ELF2: variants seen among roughly 807,000 people sequenced by gnomAD.
ELF2 encodes the protein E74 like ETS transcription factor 2.
In ELF2, 11 loss-of-function variants were observed where a neutral mutation model predicts 54.8. The ratio of observed to expected loss-of-function variants is 0.20; its 90% CI spans 0.13 to 0.33. The LOEUF (loss-of-function observed/expected upper bound fraction) is 0.33. Ranked by LOEUF, ELF2 falls within the 10% of genes least tolerant of loss-of-function variation. The pLI is 1.00. For synonymous variants in ELF2, 203 were observed against 245.1 expected (o/e 0.83, Z 1.61); for missense variants, 513 against 703.0 (o/e 0.73, Z 3.06).
At chr4:139,108,674 AC>A (rs1277742251) in intron 4 of ELF2, among the ~76,000 whole-genome samples, 2 of 152,176 alleles carry the variant, frequency 1.3e-5, no homozygotes, top group African/African-American at 4.8e-5. Context: ...AAAATAGCAG[AC>A]TAGGGTTGTG....
chr4:139,115,404 G>A (rs1270577126), intron 4 of ELF2: 16 of 1,000,738 alleles, frequency 1.6e-5, no homozygotes, highest in African/African-American at 1.8e-5. Flanking sequence ...TGCGCGCATC[G>A]GGCCCCTCCC....
At chr4:139,153,678 T>G (rs1456037147) in intron 1 of ELF2, among the ~76,000 whole-genome samples, 1 of 152,160 alleles carries the variant, frequency 6.6e-6, no homozygotes, top group Non-Finnish European at 1.5e-5. Context: ...TAAAACAGAA[T>G]TCTGTTTAAT....
At position 139,134,618 on chromosome 4, in the gene ELF2, A is replaced by ATTTAT. The variant is rs369321048; in HGVS notation, c.72+3007_72+3011dup. On this transcript the variant is annotated intron_variant, in intron 3 of 9. Transcript: ENST00000686138. ...ATTTTATTTTATTTTATTTTATTTT[A>ATTTAT]TTTATTTTATTTTATTTTATTTTAT... 2.5e-3 allele frequency among the ~76,000 whole-genome samples: 71 copies of ATTTAT among 28,526 alleles called. 1 individual carries two copies. The highest frequency in any genetic ancestry group is 5.2e-3 in the African/African-American group (40 of 7,620). 18.7% of individuals were successfully genotyped at this position (28,526 alleles called of 152,430 possible).
At chr4:139,071,781 T>C in intron 6 of ELF2, 85 bp downstream of exon 6, 1 of 1,244,142 alleles carries the variant, frequency 8.0e-7, no homozygotes, top group Non-Finnish European at 1.1e-6. Flanking sequence ...CTACAGCATA[T>C]ACTACTTTCT....
chr4:139,157,516 C>T (rs538441724), intron 1 of ELF2, among the ~76,000 whole-genome samples: 2 of 152,290 alleles, frequency 1.3e-5, no homozygotes, highest in African/African-American at 4.8e-5. Context: ...ATCCTCCTGC[C>T]TCAGGCTCCT....
At position 139,120,352 on chromosome 4, in the gene ELF2, C is replaced by A. The variant is rs558405780; in HGVS notation, c.238+4812G>T. On this transcript the variant is annotated intron_variant, in intron 4 of 9. Transcript: ENST00000686138. ...CTTGTTTTAATATTTCTCAAGCCAT[C>A]CTTCAACTCATACTACAATAGCTAG... is the stretch of plus-strand genomic sequence containing the variant. Among the ~76,000 whole-genome samples the A allele has an allele frequency of 1.3e-4, 20 of 152,306 alleles. No individual in the cohort carries two copies. The South Asian group carries it at 3.9e-3, about 30-fold the overall frequency.
At chr4:139,121,462 T>A (rs745379319) in intron 4 of ELF2, among the ~76,000 whole-genome samples, 1 of 151,976 alleles carries the variant, frequency 6.6e-6, no homozygotes, top group Non-Finnish European at 1.5e-5. Context: ...AGTTCATTGG[T>A]ATAAACGTGG....
chr4:139,142,848 CAG>C (rs953114226), intron 1 of ELF2, among the ~76,000 whole-genome samples: 5 of 147,366 alleles, frequency 3.4e-5, no homozygotes, highest in Admixed American at 2.7e-4. Context: ...GTTTGGGCGA[CAG>C]AGTGAGACCT....
rs1553971301 is a variant in ELF2, at chr4:139,151,032, A to AAAGAAAG, written c.-251-11536_-251-11535insCTTTCTT. Among the ~76,000 whole-genome samples the AAAGAAAG allele has an allele frequency of 3.2e-3, 328 of 102,464 alleles. 4 individuals are homozygous for AAAGAAAG. The highest frequency in any genetic ancestry group is 7.2e-3 in the African/African-American group (142 of 19,708). 67.2% of individuals were successfully genotyped at this position (102,464 alleles called of 152,430 possible). On this transcript the variant is annotated intron_variant, in intron 1 of 9. Coordinates refer to ENST00000686138, the MANE Select transcript of ELF2 (RefSeq NM_001331036.3). ...GAACGAGGCTCCATCTCAAAAAAAA[A>AAAGAAAG]AAAGAAAGAAAGAAAGAAAGAAAGA... is the stretch of plus-strand genomic sequence containing the variant.
intron 3 of ELF2, among the ~76,000 whole-genome samples, chr4:139,125,779 CAAAAAAAA>C (rs367767700): frequency 1.6e-4 from 15 of 96,554 alleles, no homozygotes; most frequent in Non-Finnish European, 1.3e-4. Flanking sequence ...AGTCTGGCAG[CAAAAAAAA>C]AAAAAAAAAA....
At chr4:139,098,613 C>T (rs1389573824) in intron 4 of ELF2, among the ~76,000 whole-genome samples, 2 of 151,870 alleles carry the variant, frequency 1.3e-5, no homozygotes, top group African/African-American at 2.4e-5. Context: ...GGACTACAGG[C>T]GCCTGCCACC....
chr4:139,177,499 A>G (rs1481950900), upstream of ELF2, among the ~76,000 whole-genome samples: 18 of 151,086 alleles, frequency 1.2e-4, no homozygotes, highest in Admixed American at 7.9e-4. Flanking sequence ...TGCTGTCTTG[A>G]ATCCCGCCCT....
In ELF2 at chr4:139,134,347, G is replaced by C. The variant is rs1357334761; in HGVS notation, c.72+3283C>G. Among the ~76,000 whole-genome samples, 3 of 151,578 alleles carry C rather than the reference G, an allele frequency of 2.0e-5. No individual in the cohort carries two copies. The East Asian group carries it at 5.8e-4, about 29-fold the overall frequency. On this transcript the variant is annotated intron_variant, in intron 3 of 9. Coordinates refer to ENST00000686138, the MANE Select transcript of ELF2 (RefSeq NM_001331036.3). ...TATACACTGCTAGATTTGACTGTTAGTTTTTTGGTTTTGCTTTTTTGTGTT... is the reference window on the plus strand; with the variant it reads ...TATACACTGCTAGATTTGACTGTTACTTTTTTGGTTTTGCTTTTTTGTGTT...
intron 4 of ELF2, among the ~76,000 whole-genome samples, chr4:139,097,415 A>C (rs1259534581): frequency 1.3e-5 from 2 of 152,174 alleles, no homozygotes; most frequent in Admixed American, 6.5e-5. Flanking sequence ...CAGGAGTTTA[A>C]GACCAGCCTG....
intron 1 of ELF2, among the ~76,000 whole-genome samples, chr4:139,158,782 AG>A (rs1740802451): frequency 6.6e-6 from 1 of 152,170 alleles, no homozygotes; most frequent in African/African-American, 2.4e-5. Context: ...AGGGAGTCCA[AG>A]GGGGTTTAGC....
intron 6 of ELF2, among the ~76,000 whole-genome samples, chr4:139,070,857 C>T (rs957464224): frequency 6.6e-6 from 1 of 152,182 alleles, no homozygotes; most frequent in Non-Finnish European, 1.5e-5. Context: ...ATGGTACACA[C>T]TGTGGCAATC....
In ELF2 at chr4:139,105,217, A is replaced by C. The variant is rs1158452684; in HGVS notation, c.238+19947T>G. Among the ~76,000 whole-genome samples, 6 of 152,220 alleles carry C rather than the reference A, an allele frequency of 3.9e-5. 1 individual carries two copies. The highest frequency in any genetic ancestry group is 3.9e-4 in the Admixed American group (6 of 15,288). ...TTAATTCCATATATTTACTTTAAAGAACAATTTCAAGTTATATAATTTGAT... is the reference window on the plus strand; with the variant it reads ...TTAATTCCATATATTTACTTTAAAGCACAATTTCAAGTTATATAATTTGAT... On this transcript the variant is annotated intron_variant, in intron 4 of 9. Transcript: ENST00000686138.
In ELF2 at chr4:139,137,709, C is replaced by T. The variant is rs761048304; in HGVS notation, c.-8G>A. 12 of 1,613,784 alleles carry T rather than the reference C, an allele frequency of 7.4e-6. No individual in the cohort carries two copies. Among genetic ancestry groups the T allele is most frequent in the Non-Finnish European group, 1.0e-5 (12 of 1,179,950 alleles). On this transcript the variant is annotated 5_prime_UTR_variant, in exon 3 of 10. Transcript: ENST00000686138. ...AACCACTGCTGATGTCATTGTTATT[C>T]CCTGAGGAAGCTTCAAACGCTATTA...
intron 1 of ELF2, among the ~76,000 whole-genome samples, chr4:139,166,249 T>C (rs1327528542): frequency 6.6e-6 from 1 of 152,038 alleles, no homozygotes; most frequent in Non-Finnish European, 1.5e-5. Context: ...TTAGCCAAGG[T>C]AGTAGTGTGC....
Sources: allele counts gnomAD v4.1 joint callset (sites outside exome capture counted in the v4.1 genomes callset), GRCh38; gene constraint gnomAD v4.1.1; transcripts MANE v1.5; gene names NCBI Gene and HGNC (gene_info 2026-07-23, HGNC 2026-07-21).